The following FYTTD1 variants were observed in gnomAD, a reference collection of about 807,000 sequenced individuals.
FYTTD1 encodes the protein UAP56-interacting factor.
A neutral mutation model predicts 40.9 loss-of-function variants in FYTTD1; 22 were observed. The observed-to-expected ratio is 0.54, with a 90% confidence interval of 0.38 to 0.77. FYTTD1 has a LOEUF of 0.77. FYTTD1 is among the 30% of genes least tolerant of loss of function. FYTTD1 has a pLI of 0.00. For synonymous variants in FYTTD1, 140 were observed against 137.9 expected, an observed-to-expected ratio of 1.01 and a Z score of -0.10; for missense variants, 351 against 392.2, an observed-to-expected ratio of 0.90 and a Z score of 0.89.
intron 8 of FYTTD1, 59 bp from the exon 9 acceptor site, chr3:197,781,752 C>T (rs2109057362): frequency 1.7e-6 from 2 of 1,182,496 alleles, no homozygotes; most frequent in Non-Finnish European, 2.5e-6. Context: ...CAAATATGGC[C>T]TTCAGTAAAG....
intron 2 of FYTTD1, 64 bp downstream of exon 2, chr3:197,756,621 T>C: frequency 7.2e-7 from 1 of 1,391,844 alleles, no homozygotes; most frequent in Non-Finnish European, 1.0e-6. Flanking sequence ...GTACTGTCTT[T>C]AGCATATGCT....
intron 1 of FYTTD1, chr3:197,755,780 G>C (rs760336770): frequency 1.9e-6 from 3 of 1,550,514 alleles, no homozygotes; most frequent in Non-Finnish European, 2.6e-6. Context: ...GAGTCACCAT[G>C]CCTGGCCGGA....
At position 197,785,859 on chromosome 3, in the gene FYTTD1, C is replaced by T. The variant is rs1488942195; in HGVS notation, c.*3950C>T. The T allele has an allele frequency of 1.3e-5, 2 of 151,060 alleles. No homozygotes were observed. Among genetic ancestry groups the T allele is most frequent in the East Asian group, 3.9e-4 (2 of 5,174 alleles). 9.4% of individuals were successfully genotyped at this position (151,060 alleles called of 1,614,324 possible). The stretch of plus-strand genomic sequence containing the variant: ...TATTATTATTATTATTATTTTGCCA[C>T]TGTGAAAAAGCAGTTAAGCATGTAA... On this transcript the variant is annotated 3_prime_UTR_variant, in exon 9 of 9. Coordinates refer to ENST00000241502, the MANE Select transcript of FYTTD1 (RefSeq NM_032288.7).
chr3:197,781,444 T>A (rs1194251502), intron 8 of FYTTD1, among the ~76,000 whole-genome samples: 2 of 152,196 alleles, frequency 1.3e-5, no homozygotes, highest in African/African-American at 4.8e-5. Context: ...TCATTTGAAT[T>A]TGATTTGAAT....
chr3:197,762,742 C>T (rs754531378), intron 2 of FYTTD1, among the ~76,000 whole-genome samples: 5 of 151,832 alleles, frequency 3.3e-5, no homozygotes, highest in African/African-American at 9.7e-5. Context: ...ATTAGCTGGG[C>T]GTGGTAGCGG....
Position 197,785,226 on chromosome 3 carries a change from ACAG to A in FYTTD1, c.*3318_*3320del, listed in dbSNP as rs1730128630. 1 of 152,240 alleles carries A rather than the reference ACAG, an allele frequency of 6.6e-6. No individual in the cohort carries two copies. Among genetic ancestry groups the A allele is most frequent in the Non-Finnish European group, 1.5e-5 (1 of 68,046 alleles). 9.4% of individuals were successfully genotyped at this position (152,240 alleles called of 1,614,324 possible). A position where few individuals can be genotyped will look rare whatever the true frequency, so the allele number is the denominator to read the frequency against. ...TAAACTCTTCACCACAATTTTAATT[ACAG>A]TCATCCCTCAGTATACACGGAGGAT... On this transcript the variant is annotated 3_prime_UTR_variant, in exon 9 of 9. Transcript: ENST00000241502.
chr3:197,774,819 T>TA (rs1729829249), intron 6 of FYTTD1, among the ~76,000 whole-genome samples: 1 of 80,666 alleles, frequency 1.2e-5, no homozygotes, highest in African/African-American at 4.8e-5. Flanking sequence ...CGCCAGTGCA[T>TA]ACCATCCTGA....
chr3:197,778,906 G>A (rs186527972), intron 8 of FYTTD1, among the ~76,000 whole-genome samples: 1 of 152,266 alleles, frequency 6.6e-6, no homozygotes, highest in African/African-American at 2.4e-5. Flanking sequence ...AAATACCTAG[G>A]AGTAGAATTG....
At position 197,782,935 on chromosome 3, in the gene FYTTD1, T is replaced by C. The variant is rs1730066415; in HGVS notation, c.*1026T>C. On this transcript the variant is annotated 3_prime_UTR_variant, in exon 9 of 9. Coordinates refer to ENST00000241502, the MANE Select transcript of FYTTD1 (RefSeq NM_032288.7). ...TTATGAGCTTTGAAGATTGCTAAAT[T>C]AAATAATTTATAGCTCCAAAAACAA... 1 of 152,642 alleles carries C rather than the reference T, an allele frequency of 6.6e-6. No individual in the cohort carries two copies. Among genetic ancestry groups the C allele is most frequent in the African/African-American group, 2.4e-5 (1 of 41,454 alleles). 9.5% of individuals were successfully genotyped at this position (152,642 alleles called of 1,614,324 possible).
chr3:197,766,430 G>GGTGTGTGTGTATGTGTGT (rs1652090122), intron 2 of FYTTD1, among the ~76,000 whole-genome samples: 1 of 135,072 alleles, frequency 7.4e-6, no homozygotes, highest in Non-Finnish European at 1.6e-5. Flanking sequence ...GTTTGAGACT[G>GGTGTGTGTGTATGTGTGT]GTGTGTGTGT....
intron 8 of FYTTD1, among the ~76,000 whole-genome samples, chr3:197,780,678 G>T (rs1158723994): frequency 1.3e-5 from 2 of 151,810 alleles, no homozygotes; most frequent in African/African-American, 4.8e-5. Context: ...GAGTAGCTGG[G>T]ATTACAGGCA....
At chr3:197,780,523 A>G (rs954655250) in intron 8 of FYTTD1, among the ~76,000 whole-genome samples, 21 of 151,848 alleles carry the variant, frequency 1.4e-4, no homozygotes, top group African/African-American at 4.8e-4. Context: ...ATATGTCACC[A>G]TTTAGTATGA....
intron 5 of FYTTD1, 43 bp from the exon 6 acceptor site, chr3:197,774,106 C>T: frequency 3.2e-6 from 5 of 1,542,524 alleles, no homozygotes; most frequent in Non-Finnish European, 4.5e-6. Context: ...GGATTCAAAT[C>T]CTCTGCTTTC....
At chr3:197,763,628 A>T (rs904294868) in intron 2 of FYTTD1, 2 of 373,386 alleles carry the variant, frequency 5.4e-6, no homozygotes, top group Non-Finnish European at 5.3e-6. Flanking sequence ...AAAAAGAAAG[A>T]GTATAAAGAG....
At chr3:197,776,792 G>T (rs1320015019) in intron 6 of FYTTD1, 135 bp from the exon 7 acceptor site, 1 of 583,986 alleles carries the variant, frequency 1.7e-6, no homozygotes, top group African/African-American at 1.9e-5. Flanking sequence ...ATTATATCAT[G>T]GTGGGGTTCA....
At chr3:197,769,908 C>G (rs1729665819) in intron 3 of FYTTD1, among the ~76,000 whole-genome samples, 1 of 152,044 alleles carries the variant, frequency 6.6e-6, no homozygotes, top group African/African-American at 2.4e-5. Context: ...TTCCCCATCA[C>G]CTGTGGGTCC....
intron 5 of FYTTD1, among the ~76,000 whole-genome samples, chr3:197,773,874 C>T (rs1453770218): frequency 5.5e-5 from 8 of 146,030 alleles, no homozygotes; most frequent in African/African-American, 1.1e-4. Flanking sequence ...CTCACGCACA[C>T]GCCCCACTGG....
chr3:197,768,097 A>G (rs1729604929), intron 2 of FYTTD1, among the ~76,000 whole-genome samples: 1 of 152,254 alleles, frequency 6.6e-6, no homozygotes, highest in Admixed American at 6.5e-5. Flanking sequence ...CTAGTGCTTA[A>G]CTTCAAGTAC....
intron 3 of FYTTD1, among the ~76,000 whole-genome samples, chr3:197,769,745 T>C (rs74542415): frequency 0.037 from 5,604 of 152,276 alleles, 185 homozygotes; most frequent in African/African-American, 0.079. Context: ...AAATCATGTT[T>C]ATAGAAATTA....
Sources: allele counts gnomAD v4.1 joint callset (sites outside exome capture counted in the v4.1 genomes callset), GRCh38; gene constraint gnomAD v4.1.1; transcripts MANE v1.5; gene names NCBI Gene and HGNC (gene_info 2026-07-23, HGNC 2026-07-21).